Variants in SMARCA1 observed in about 807,000 individuals in gnomAD.
The protein encoded by SMARCA1 is SNF2 related chromatin remodeling ATPase 1.
SMARCA1 carries 17 observed loss-of-function variants against 93.6 expected under a neutral mutation model. That is an observed-to-expected ratio of 0.18 (90% confidence interval 0.12 to 0.27). The LOEUF (loss-of-function observed/expected upper bound fraction) is 0.27, where lower values mean the gene tolerates loss of function less well. SMARCA1 is among the 10% of genes least tolerant of loss of function. SMARCA1 has a pLI of 1.00. For synonymous variants in SMARCA1, 271 were observed against 271.4 expected, an observed-to-expected ratio of 1.00 and a Z score of 0.01; for missense variants, 630 against 819.0, an observed-to-expected ratio of 0.77 and a Z score of 2.82.
At chrX:129,522,925 T>C (rs1286334405) in intron 1 of SMARCA1, among the ~76,000 whole-genome samples, 1 of 110,315 alleles carries the variant, frequency 9.1e-6, no homozygotes, top group Non-Finnish European at 1.9e-5. Context: ...GTCGAGGGGC[T>C]CCCGAGCCCC....
At chrX:129,465,159 T>A (rs1358768622) in intron 23 of SMARCA1, among the ~76,000 whole-genome samples, 1 of 111,375 alleles carries the variant, frequency 9.0e-6, no homozygotes, top group Non-Finnish European at 1.9e-5. Context: ...TCAGGTGGGA[T>A]TGTGGTTATG....
At chrX:129,455,087 C>G (rs370251549) in intron 23 of SMARCA1, among the ~76,000 whole-genome samples, 6 of 111,480 alleles carry the variant, frequency 5.4e-5, no homozygotes, top group South Asian at 3.8e-4. Context: ...CCATTGAACC[C>G]AGCAATCCCA....
intron 7 of SMARCA1, among the ~76,000 whole-genome samples, chrX:129,507,276 C>T (rs1934851845): frequency 9.0e-6 from 1 of 111,382 alleles, no homozygotes; most frequent in Non-Finnish European, 1.9e-5. Context: ...TAACACCACA[C>T]TCTAATTCAC....
intron 1 of SMARCA1, among the ~76,000 whole-genome samples, chrX:129,519,420 G>A (rs964356795): frequency 1.3e-4 from 15 of 111,914 alleles, no homozygotes; most frequent in Admixed American, 3.8e-4. Context: ...AAACTATCAT[G>A]GCTTTTGTCA....
At chrX:129,475,116 A>C (rs965313890) in intron 19 of SMARCA1, among the ~76,000 whole-genome samples, 1 of 109,953 alleles carries the variant, frequency 9.1e-6, no homozygotes, top group Non-Finnish European at 1.9e-5. Flanking sequence ...TATAAAAAAA[A>C]ACCTTAATAG....
In SMARCA1 at chrX:129,446,627, C is replaced by T. The variant is rs571792984; in HGVS notation, c.*535G>A. 1 of 112,281 alleles carries T rather than the reference C, an allele frequency of 8.9e-6. No individual in the cohort carries two copies. The highest frequency in any genetic ancestry group is 1.9e-5 in the Non-Finnish European group (1 of 53,211). The allele number at this position is 112,281 out of a possible 1,213,427, so 9.3% of individuals were successfully genotyped here. A position where few individuals can be genotyped will look rare whatever the true frequency, so the allele number is the denominator to read the frequency against. On this transcript the variant is annotated 3_prime_UTR_variant, in exon 25 of 25. Transcript: ENST00000371121. ...CTTTTTTAATATTTTTCTTTCCTCA[C>T]CCTTTATTCCTTTAGGAAAAAAATA...
Position 129,471,114 on chromosome X carries a change from T to C in SMARCA1, c.2565+90A>G, listed in dbSNP as rs759687565. 1.6e-5 allele frequency: 11 copies of C among 705,170 alleles called. No homozygotes were observed. In the East Asian group the frequency reaches 3.3e-4, roughly 21 times the overall value. 58.1% of individuals were successfully genotyped at this position (705,170 alleles called of 1,213,427 possible). On this transcript the variant is annotated intron_variant, in intron 20 of 24. Transcript: ENST00000371121. ...GTTTTGTTGGTGTGTCACACTAGGA[T>C]ACTAGGCCCATACAATAAAAAGTGT...
chrX:129,497,865 A>G lies in SMARCA1; in HGVS notation c.1484T>C (p.Leu495Ser). Reference sequence around the variant, plus strand: ...CTCACCCTGTTCTTTGAGTTTGGCCAATAGTTTATCCAGAACTACCATTTT... The same window carrying G: ...CTCACCCTGTTCTTTGAGTTTGGCCGATAGTTTATCCAGAACTACCATTTT... ...SGKMVVLDKLLAKLKEQGSRV... is the reference protein window; with the variant it reads ...SGKMVVLDKLSAKLKEQGSRV... The change falls in exon 11 of 25, where the codon TTG becomes TCG. Residue 495 changes from leucine to serine, a missense_variant. Leu to Ser is a moderately radical substitution (Grantham distance 145). This residue lies in a region of SMARCA1 where 382 missense variants were observed against 537.9 expected (regional missense o/e 0.71). Coordinates refer to ENST00000371121, the MANE Select transcript of SMARCA1 (RefSeq NM_001282874.2). The G allele has an allele frequency of 8.3e-7, 1 of 1,200,878 alleles. No homozygotes were observed. Among genetic ancestry groups the G allele is most frequent in the Non-Finnish European group, 1.1e-6 (1 of 885,646 alleles).
Position 129,493,043 on chromosome X carries a change from T to A in SMARCA1, c.1659A>T (p.Gln553His), listed in dbSNP as rs1934190222. The change falls in exon 13 of 25, where the codon CAA (glutamine) becomes CAT (histidine). Residue 553 changes from glutamine (Q) to histidine (H), a missense_variant. Gln to His is a conservative substitution (Grantham distance 24). Transcript: ENST00000371121. ...AGAGCCTTAAAAATGTTCATACCCT[T>A]TGACCCAGAAATTCCACTTCTAGGA... ...DKFLEVEFLG[Q>H]REAIEAFNAP... 1 of 486,543 alleles carries A rather than the reference T, an allele frequency of 2.1e-6. No individual in the cohort carries two copies. Among genetic ancestry groups the A allele is most frequent in the Non-Finnish European group, 3.7e-6 (1 of 267,064 alleles). 40.1% of individuals were successfully genotyped at this position (486,543 alleles called of 1,213,427 possible).
intron 1 of SMARCA1, 143 bp downstream of exon 1, chrX:129,523,054 C>A: frequency 1.6e-6 from 1 of 630,742 alleles, no homozygotes; most frequent in Admixed American, 3.4e-5. Context: ...CCAGGCGGTT[C>A]CGCCGCCGAC....
chrX:129,488,894 T>C (rs748564742), intron 16 of SMARCA1, 43 bp downstream of exon 16: 3 of 929,780 alleles, frequency 3.2e-6, no homozygotes, highest in East Asian at 3.1e-5. Context: ...TATGTTGATA[T>C]TAAAACAATC....
At chrX:129,464,570 A>G (rs1275359379) in intron 23 of SMARCA1, among the ~76,000 whole-genome samples, 1 of 112,453 alleles carries the variant, frequency 8.9e-6, no homozygotes, top group Non-Finnish European at 1.9e-5. Context: ...AGGAAATCAC[A>G]TAAGCTAAAA....
chrX:129,466,832 T>C (rs1333078771), intron 21 of SMARCA1, among the ~76,000 whole-genome samples: 1 of 96,613 alleles, frequency 1.0e-5, no homozygotes, highest in African/African-American at 4.4e-5. Flanking sequence ...AATACCCTTT[T>C]CTCATAAAAA....
At chrX:129,456,528 A>T (rs1333355596) in intron 23 of SMARCA1, among the ~76,000 whole-genome samples, 1 of 112,477 alleles carries the variant, frequency 8.9e-6, no homozygotes, top group Non-Finnish European at 1.9e-5. Flanking sequence ...GGCAAAGTCA[A>T]TTGAAAACCT....
intron 5 of SMARCA1, among the ~76,000 whole-genome samples, chrX:129,514,356 T>C (rs1212908025): frequency 8.9e-6 from 1 of 112,088 alleles, no homozygotes; most frequent in Non-Finnish European, 1.9e-5. Flanking sequence ...CTTTAGCTGA[T>C]GAATTAGCAT....
intron 19 of SMARCA1, among the ~76,000 whole-genome samples, chrX:129,472,385 G>C (rs751409559): frequency 9.0e-6 from 1 of 111,344 alleles, no homozygotes; most frequent in Non-Finnish European, 1.9e-5. Flanking sequence ...GCATCAGGTA[G>C]TCATGGTTTT....
intron 6 of SMARCA1, among the ~76,000 whole-genome samples, chrX:129,509,417 G>T (rs1934946813): frequency 9.1e-6 from 1 of 110,195 alleles, no homozygotes; most frequent in Non-Finnish European, 1.9e-5. Flanking sequence ...ACCCTGGGAA[G>T]TGATCACATT....
intron 2 of SMARCA1, among the ~76,000 whole-genome samples, chrX:129,517,615 G>A (rs755885218): frequency 9.1e-6 from 1 of 110,217 alleles, no homozygotes; most frequent in South Asian, 3.8e-4. Context: ...TTATAAAATA[G>A]CTATCAACAA....
intron 12 of SMARCA1, among the ~76,000 whole-genome samples, chrX:129,494,824 T>C (rs1314938878): frequency 1.8e-5 from 2 of 112,295 alleles, no homozygotes; most frequent in African/African-American, 6.5e-5. Context: ...TGCAAAGTGG[T>C]GAAGTTGGTG....
Sources: allele counts gnomAD v4.1 joint callset (sites outside exome capture counted in the v4.1 genomes callset), GRCh38; gene constraint gnomAD v4.1.1; regional missense constraint gnomAD v4.1.1; transcripts MANE v1.5; gene names NCBI Gene and HGNC (gene_info 2026-07-23, HGNC 2026-07-21).